The following FGF14 variants were observed in gnomAD, a reference collection of about 807,000 sequenced individuals.
FGF14 encodes fibroblast growth factor 14, also known as fibroblast growth factor homologous factor 4.
FGF14 carries 5 observed loss-of-function variants against 25.5 expected under a neutral mutation model. That is an observed-to-expected ratio of 0.20 (90% CI 0.10 to 0.41). The LOEUF is 0.41. FGF14 is among the 10% of genes least tolerant of loss of function. The pLI, the probability that FGF14 is intolerant of heterozygous loss-of-function variation, is 1.00. For synonymous variants in FGF14, 138 were observed against 118.3 expected (o/e 1.17, Z -1.08); for missense variants, 222 against 320.1 (o/e 0.69, Z 2.34).
rs79970204 is a variant in FGF14, at chr13:102,103,565, G to A, written c.209-228269C>T. 4.3e-4 allele frequency among the ~76,000 whole-genome samples: 65 copies of A among 151,902 alleles called. 1 individual carries two copies. In the East Asian group the frequency reaches 0.01, roughly 24 times the overall value. The stretch of plus-strand genomic sequence containing the variant: ...ATTTTCCTCGTATTAACAAGCCATT[G>A]ATGTTTACAGGAATAACCAGCAAAA... On this transcript the variant is annotated intron_variant, in intron 1 of 4. Coordinates refer to the FGF14 transcript ENST00000376131.
chr13:101,847,199 A>T (rs980515884), intron 3 of FGF14, among the ~76,000 whole-genome samples: 4 of 152,066 alleles, frequency 2.6e-5, no homozygotes, highest in Non-Finnish European at 5.9e-5. Flanking sequence ...TGAGAAAGTT[A>T]GTAAAACTAT....
At chr13:102,141,211 G>A (rs771603175) in intron 1 of FGF14, among the ~76,000 whole-genome samples, 1 of 152,166 alleles carries the variant, frequency 6.6e-6, no homozygotes, top group Non-Finnish European at 1.5e-5. Context: ...AATCAACTTT[G>A]GTCACCCAGG....
At chr13:101,789,183 A>T (rs928733406) in intron 3 of FGF14, among the ~76,000 whole-genome samples, 1 of 151,836 alleles carries the variant, frequency 6.6e-6, no homozygotes, top group African/African-American at 2.4e-5. Context: ...CAAATTTTTC[A>T]GTATCTAGAA....
Position 102,006,894 on chromosome 13 carries a change from G to A in FGF14, c.209-131598C>T, listed in dbSNP as rs1329075842. On this transcript the variant is annotated intron_variant, in intron 1 of 4. Coordinates refer to the FGF14 transcript ENST00000376131. ...CGAGTAGCTGGGACTACAGGCGCCC[G>A]CCACCGCGCCTGGCTAATTTTTTGT... 1.4e-4 allele frequency among the ~76,000 whole-genome samples: 21 copies of A among 150,656 alleles called. No homozygotes were observed. The East Asian group carries it at 2.9e-3, about 21-fold the overall frequency.
intron 1 of FGF14, among the ~76,000 whole-genome samples, chr13:101,981,082 A>AACACACAC (rs58666555): frequency 0.079 from 9,762 of 123,606 alleles, 449 homozygotes; most frequent in East Asian, 0.12. Flanking sequence ...TCTCTACTAA[A>AACACACAC]ACACACACAC....
chr13:101,814,330 A>G (rs1387823513), intron 3 of FGF14, among the ~76,000 whole-genome samples: 1 of 152,246 alleles, frequency 6.6e-6, no homozygotes, highest in Non-Finnish European at 1.5e-5. Flanking sequence ...GAAAGACTGT[A>G]GGAAGAAAGA....
At chr13:101,812,708 G>A (rs1367983728) in intron 3 of FGF14, among the ~76,000 whole-genome samples, 3 of 110,560 alleles carry the variant, frequency 2.7e-5, no homozygotes, top group African/African-American at 1.0e-4. Context: ...TGTCACCAAG[G>A]TTGGAGTGCA....
chr13:102,288,570 A>G (rs917007638), intron 1 of FGF14, among the ~76,000 whole-genome samples: 1 of 151,560 alleles, frequency 6.6e-6, no homozygotes, highest in Non-Finnish European at 1.5e-5. Context: ...TCATTTTTTT[A>G]AATTTATTTA....
chr13:102,082,388 G>T (rs1471505186), intron 1 of FGF14, among the ~76,000 whole-genome samples: 1 of 152,166 alleles, frequency 6.6e-6, no homozygotes, highest in African/African-American at 2.4e-5. Context: ...ACATAATATA[G>T]AACTGGCATT....
chr13:101,829,731 C>T (rs951701321), intron 3 of FGF14, among the ~76,000 whole-genome samples: 1 of 152,058 alleles, frequency 6.6e-6, no homozygotes, highest in Admixed American at 6.6e-5. Flanking sequence ...CCATCAGGGA[C>T]TCACAGTAGA....
chr13:102,378,947 C>G (rs1204231614), intron 1 of FGF14, among the ~76,000 whole-genome samples: 1 of 152,050 alleles, frequency 6.6e-6, no homozygotes, highest in Admixed American at 6.6e-5. Flanking sequence ...ATTGGGCACA[C>G]TTTGACCAGT....
chr13:102,374,651 T>C (rs2057988336), intron 1 of FGF14, among the ~76,000 whole-genome samples: 1 of 16,716 alleles, frequency 6.0e-5, no homozygotes, highest in Admixed American at 5.1e-4. Context: ...ATTTTATATA[T>C]ATATATATAT....
intron 1 of FGF14, among the ~76,000 whole-genome samples, chr13:102,218,284 A>G (rs751960183): frequency 2.0e-5 from 3 of 152,024 alleles, no homozygotes; most frequent in Non-Finnish European, 4.4e-5. Flanking sequence ...TTCAGCAAAT[A>G]TTACTGAGAG....
chr13:101,985,167 A>G (rs180975049), intron 1 of FGF14, among the ~76,000 whole-genome samples: 128 of 151,488 alleles, frequency 8.4e-4, no homozygotes, highest in African/African-American at 2.8e-3. Context: ...ATAGAAGCAG[A>G]CCCTCAGGCT....
rs369042599 is a variant in FGF14 at position 101,802,154 on chromosome 13, A to T, written c.408+66571T>A. On this transcript the variant is annotated intron_variant, in intron 3 of 4. Transcript: ENST00000376143. Reference sequence around the variant, plus strand: ...GAGAAGATGTCCCAAGAAGGCCACCATCTGAATTCTTTCCGTTCTGTTCAG... The same window carrying T: ...GAGAAGATGTCCCAAGAAGGCCACCTTCTGAATTCTTTCCGTTCTGTTCAG... 2.4e-4 allele frequency: 62 copies of T among 253,682 alleles called. 1 individual carries two copies. The highest frequency in any genetic ancestry group is 1.4e-3 in the East Asian group (14 of 9,906). 15.7% of individuals were successfully genotyped at this position (253,682 alleles called of 1,614,324 possible).
At chr13:102,069,674 C>T (rs900366014) in intron 1 of FGF14, among the ~76,000 whole-genome samples, 2 of 152,070 alleles carry the variant, frequency 1.3e-5, no homozygotes, top group Admixed American at 6.5e-5. Flanking sequence ...CCTGAGCCAG[C>T]GAGACCACGA....
At chr13:102,179,038 A>G (rs1249280936) in intron 1 of FGF14, among the ~76,000 whole-genome samples, 2 of 152,132 alleles carry the variant, frequency 1.3e-5, no homozygotes, top group East Asian at 3.9e-4. Context: ...AAGGAATGAA[A>G]ACTAAAAGTA....
chr13:101,890,636 T>C (rs1419486760), intron 1 of FGF14, among the ~76,000 whole-genome samples: 2 of 152,084 alleles, frequency 1.3e-5, no homozygotes, highest in African/African-American at 2.4e-5. Flanking sequence ...GGGAACAAAA[T>C]GTTTCCCAGT....
At position 101,968,629 on chromosome 13, in the gene FGF14, T is replaced by A. The variant is rs185895061; in HGVS notation, c.209-93333A>T. ...CGGAGCTTGCAGTGAGCTGAGATCG[T>A]GCCACTGCAATCCAGCCTGGGCGAC... On this transcript the variant is annotated intron_variant, in intron 1 of 4. Coordinates refer to the FGF14 transcript ENST00000376131. Among the ~76,000 whole-genome samples the A allele has an allele frequency of 8.5e-3, 1,172 of 138,252 alleles. 20 individuals are homozygous for A. The highest frequency in any genetic ancestry group is 0.03 in the African/African-American group (1,096 of 36,786). 90.7% of individuals were successfully genotyped at this position (138,252 alleles called of 152,430 possible).
Sources: allele counts gnomAD v4.1 joint callset (sites outside exome capture counted in the v4.1 genomes callset), GRCh38; gene constraint gnomAD v4.1.1; transcripts MANE v1.5; gene names NCBI Gene and HGNC (gene_info 2026-07-23, HGNC 2026-07-21).